The following CYB561A3 variants were observed in gnomAD, a reference collection of about 807,000 sequenced individuals.
CYB561A3 encodes lysosomal membrane ascorbate-dependent ferrireductase CYB561A3.
In CYB561A3, 16 loss-of-function variants were observed where a neutral mutation model predicts 25.3. The observed-to-expected ratio is 0.63, with a 90% confidence interval of 0.43 to 0.96. CYB561A3 has a LOEUF of 0.96. Ranked by LOEUF, CYB561A3 falls within the 40% of genes least tolerant of loss-of-function variation. The pLI is 0.00. For synonymous variants in CYB561A3, 131 were observed against 129.9 expected (o/e 1.01, Z -0.06); for missense variants, 219 against 307.5 (o/e 0.71, Z 2.15).
Position 61,353,055 on chromosome 11 carries a change from CA to C in CYB561A3, c.477del (p.Phe159LeufsTer25). 5.6e-6 allele frequency: 9 copies of C among 1,613,694 alleles called. No individual in the cohort carries two copies. The highest frequency in any genetic ancestry group is 7.6e-6 in the Non-Finnish European group (9 of 1,179,920). ...RSLLKPIHVF[F>X]GAAILSLSIA... is the part of the protein sequence containing the mutation. ...ATGGACAGAGAGAGGATGGCGGCTC[CA>C]AAAAAGACGTGGATAGGTTTTAGGA... On this transcript the variant is annotated frameshift_variant, in exon 5 of 7. Transcript: ENST00000294072. LOFTEE classifies it high-confidence loss of function.
At position 61,357,219 on chromosome 11, in the gene CYB561A3, T is replaced by C. The variant is rs771941027; in HGVS notation, c.-15-491A>G. ...CACTATTACCCTAGACAGGAAGGAG[T>C]CAGAAAAGTTCTTCCCCATAGAGTA... On this transcript the variant is annotated intron_variant, in intron 2 of 6. Coordinates refer to ENST00000294072, the MANE Select transcript of CYB561A3 (RefSeq NM_153611.6). The C allele has an allele frequency of 8.4e-6, 13 of 1,550,752 alleles. No individual in the cohort carries two copies. The highest frequency in any genetic ancestry group is 1.1e-5 in the Non-Finnish European group (13 of 1,146,824).
Position 61,353,048 on chromosome 11 carries a change from G to A in CYB561A3, c.485C>T (p.Ala162Val). 7 of 1,614,096 alleles carry A rather than the reference G, an allele frequency of 4.3e-6. No homozygotes were observed. The highest frequency in any genetic ancestry group is 5.9e-6 in the Non-Finnish European group (7 of 1,180,018). ...LKPIHVFFGA[A>V]ILSLSIASVI... ...GGATGCGATGGACAGAGAGAGGATG[G>A]CGGCTCCAAAAAAGACGTGGATAGG... The change falls in exon 5 of 7, where the codon GCC (alanine) becomes GTC (valine). Residue 162 changes from alanine (A) to valine (V), a missense_variant. Transcript: ENST00000294072.
rs1250213329 is a variant in CYB561A3 at position 61,353,134 on chromosome 11, G to C, written c.399C>G (p.Phe133Leu). ...TTVFLFACQW[F>L]LGFAVFLLPW... ...GCAGGAGGAAGACAGCAAAGCCCAG[G>C]AACCACTGTGGACAAAAGGGAGGAC... The change falls in exon 5 of 7, where the codon TTC becomes TTG. Residue 133 changes from phenylalanine to leucine, a missense_variant. By Grantham distance (22) the Phe-to-Leu change is conservative. Coordinates refer to ENST00000294072, the MANE Select transcript of CYB561A3 (RefSeq NM_153611.6). The C allele has an allele frequency of 6.2e-7, 1 of 1,605,260 alleles. No homozygotes were observed. Among genetic ancestry groups the C allele is most frequent in the Non-Finnish European group, 8.5e-7 (1 of 1,176,288 alleles).
intron 5 of CYB561A3, chr11:61,352,509 A>C (rs1302947786): frequency 6.0e-6 from 1 of 167,504 alleles, no homozygotes; most frequent in Admixed American, 5.6e-5. Flanking sequence ...AAAATTCAAA[A>C]AATTAGCCGG....
rs1186304130 is a variant in CYB561A3, at chr11:61,349,790, C to T, written c.*609G>A. The T allele has an allele frequency of 3.2e-6, 2 of 627,482 alleles. No individual in the cohort carries two copies. The highest frequency in any genetic ancestry group is 1.8e-5 in the African/African-American group (1 of 55,556). 38.9% of individuals were successfully genotyped at this position (627,482 alleles called of 1,614,324 possible). A position where few individuals can be genotyped will look rare whatever the true frequency, so the allele number is the denominator to read the frequency against. The stretch of plus-strand genomic sequence containing the variant: ...TGCAATCACCCCATGATGTCTCCAC[C>T]CCACCTCACATCCAGATGGGGCTGG... On this transcript the variant is annotated 3_prime_UTR_variant, in exon 7 of 7. Coordinates refer to ENST00000294072, the MANE Select transcript of CYB561A3 (RefSeq NM_153611.6).
At chr11:61,356,366 A>G in intron 3 of CYB561A3, 164 bp downstream of exon 3, 6 of 789,136 alleles carry the variant, frequency 7.6e-6, no homozygotes, top group Non-Finnish European at 1.1e-5. Flanking sequence ...CCCCCATCTT[A>G]ACCCCTTCCT....
chr11:61,357,133 C>T (rs1857680490), intron 2 of CYB561A3: 1 of 1,528,902 alleles, frequency 6.5e-7, no homozygotes, highest in South Asian at 1.2e-5. Context: ...TACGCAAACA[C>T]CCAGGCCTTG....
In CYB561A3 at chr11:61,349,489, C is replaced by T. The variant is rs1329103119; in HGVS notation, c.*910G>A. 7.2e-6 allele frequency: 5 copies of T among 697,884 alleles called. No individual in the cohort carries two copies. The highest frequency in any genetic ancestry group is 1.3e-5 in the Non-Finnish European group (5 of 381,258). 43.2% of individuals were successfully genotyped at this position (697,884 alleles called of 1,614,324 possible). On this transcript the variant is annotated 3_prime_UTR_variant, in exon 7 of 7. Coordinates refer to ENST00000294072, the MANE Select transcript of CYB561A3 (RefSeq NM_153611.6). ...CCAGCAAGGAGAAGTAGAGGAAGTC[C>T]ACAGCCACCTCTGTTACTCATCGCT...
chr11:61,350,976 G>A lies in CYB561A3; in HGVS notation c.705+15C>T, dbSNP rs867095994. 1.2e-6 allele frequency: 2 copies of A among 1,609,624 alleles called. No individual in the cohort carries two copies. The highest frequency in any genetic ancestry group is 1.7e-6 in the Non-Finnish European group (2 of 1,177,990). ...GGCCCTGTCCCACCCTGGAATGTGG[G>A]ACTGGAACCCATACCTGTCTGTCGG... On this transcript the variant is annotated intron_variant, in intron 6 of 6. Transcript: ENST00000294072.
chr11:61,361,361 A>T (rs1322560767), intron 1 of CYB561A3: 2 of 152,174 alleles, frequency 1.3e-5, no homozygotes, highest in African/African-American at 2.4e-5. Flanking sequence ...GAGGTAGGTG[A>T]ACAAGTTACC....
chr11:61,361,148 A>G (rs1857860389), intron 1 of CYB561A3: 2 of 152,202 alleles, frequency 1.3e-5, no homozygotes, highest in Admixed American at 1.3e-4. Flanking sequence ...TTTAGGATAC[A>G]AGCCCTAAAC....
chr11:61,356,110 A>C (rs73492366), intron 3 of CYB561A3: 15,790 of 154,160 alleles, frequency 0.1, 2,702 homozygotes, highest in African/African-American at 0.36. Context: ...AAAAAAAAAA[A>C]AAAACACTAC....
rs1253488740 is a variant in CYB561A3 at position 61,353,026 on chromosome 11, T to C, written c.507A>G (p.Ala169=). ...FGAAILSLSI[A]SVISGINEKL... ...TCTCATTAATGCCCGAAATGACGGA[T>C]GCGATGGACAGAGAGAGGATGGCGG... Residue 169 remains alanine (A), a synonymous_variant, in exon 5 of 7, where the codon GCA becomes GCG. Transcript: ENST00000294072. 1 of 1,614,104 alleles carries C rather than the reference T, an allele frequency of 6.2e-7. No homozygotes were observed. Among genetic ancestry groups the C allele is most frequent in the Admixed American group, 1.7e-5 (1 of 60,016 alleles).
chr11:61,354,451 T>C (rs1169910071), intron 3 of CYB561A3: 3 of 171,650 alleles, frequency 1.7e-5, no homozygotes, highest in East Asian at 1.7e-4. Context: ...CTGGGCAACA[T>C]AGCAAGATCC....
chr11:61,354,437 C>A, intron 3 of CYB561A3: 1 of 179,704 alleles, frequency 5.6e-6, no homozygotes, highest in Non-Finnish European at 1.2e-5. Flanking sequence ...AGTTCAAGAT[C>A]AGCCTGGGCA....
At position 61,349,176 on chromosome 11, in the gene CYB561A3, G is replaced by A. The variant is rs982716690; in HGVS notation, c.*1223C>T. On this transcript the variant is annotated 3_prime_UTR_variant, in exon 7 of 7. Transcript: ENST00000294072. ...AACACTTAGGAGCAAGACCCTTCCC[G>A]CTCTCCACCCTATTTCCTCCCCTGA... 6 of 229,148 alleles carry A rather than the reference G, an allele frequency of 2.6e-5. No homozygotes were observed. Among genetic ancestry groups the A allele is most frequent in the Admixed American group, 1.4e-4 (3 of 21,588 alleles). The allele number at this position is 229,148 out of a possible 1,614,324, so 14.2% of individuals were successfully genotyped here. A position where few individuals can be genotyped will look rare whatever the true frequency, so the allele number is the denominator to read the frequency against.
chr11:61,353,421 C>T lies in CYB561A3; in HGVS notation c.394-282G>A, dbSNP rs1006309535. On this transcript the variant is annotated intron_variant, in intron 4 of 6. Transcript: ENST00000294072. ...CAGTCCTTGCTCATAAAACTCTTCA[C>T]TCGCACAGGCCTGAGATCAGAATAT... 1.1e-5 allele frequency: 7 copies of T among 609,938 alleles called. No individual in the cohort carries two copies. The African/African-American group carries it at 1.3e-4, about 11-fold the overall frequency. The allele number at this position is 609,938 out of a possible 1,614,324, so 37.8% of individuals were successfully genotyped here. A position where few individuals can be genotyped will look rare whatever the true frequency, so the allele number is the denominator to read the frequency against.
At chr11:61,361,262 C>T (rs948329977) in intron 1 of CYB561A3, 1 of 152,174 alleles carries the variant, frequency 6.6e-6, no homozygotes, top group Non-Finnish European at 1.5e-5. Context: ...GGGTCCACTC[C>T]CTCTCAGCTC....
At chr11:61,350,743 G>A in intron 6 of CYB561A3, 1 of 603,562 alleles carries the variant, frequency 1.7e-6, no homozygotes, top group Non-Finnish European at 2.8e-6. Context: ...TCACCCCACA[G>A]AACCACAGTG....
Sources: gnomAD v4.1 joint callset for allele counts on GRCh38, gnomAD v4.1.1 for gene constraint, MANE v1.5 for transcripts, NCBI Gene and HGNC (gene_info 2026-07-23, HGNC 2026-07-21) for gene names.